Variants in THOP1 observed in about 807,000 individuals in gnomAD.
THOP1 encodes thimet oligopeptidase.
Under a neutral mutation model 71.8 loss-of-function variants are expected in THOP1, and 49 were observed. The observed-to-expected ratio is 0.68, with a 90% CI of 0.54 to 0.87. The LOEUF (loss-of-function observed/expected upper bound fraction) is 0.87, where lower values mean the gene tolerates loss of function less well. Among genes scored for constraint, THOP1 ranks in the 40% least tolerant of loss-of-function variants. The probability of loss-of-function intolerance (pLI) is 0.00; values close to 1 mark genes in which losing one functional copy is unlikely to be tolerated. For synonymous variants in THOP1, 426 were observed against 421.5 expected (o/e 1.01, Z -0.13); for missense variants, 843 against 975.6 (o/e 0.86, Z 1.81).
In THOP1 at chr19:2,808,221, C is replaced by T. The variant is rs1916361727; in HGVS notation, c.1254-22C>T. The T allele has an allele frequency of 2.6e-6, 4 of 1,545,294 alleles. No homozygotes were observed. In the African/African-American group the frequency reaches 5.5e-5, roughly 21 times the overall value. On this transcript the variant is annotated intron_variant, in intron 8 of 12. Coordinates refer to ENST00000307741, the MANE Select transcript of THOP1 (RefSeq NM_003249.5). ...GCGGTGTCTCTAGTCCCTGCGGGGC[C>T]TGACGCTGCCTCCCTCCCCAGGGAA...
chr19:2,813,259 G>A lies in THOP1; in HGVS notation c.2053G>A (p.Glu685Lys), dbSNP rs202185424. 1.8e-5 allele frequency: 29 copies of A among 1,610,264 alleles called. No individual in the cohort carries two copies. The highest frequency in any genetic ancestry group is 1.7e-4 in the African/African-American group (13 of 75,018). ...KGLQVGGCEP[E>K]PQVC ...GCTGCAGGTCGGGGGCTGCGAGCCC[G>A]AGCCGCAGGTCTGCTGAGGCCTGGC... Residue 685 changes from glutamate to lysine, a missense_variant, in exon 13 of 13, where the codon GAG becomes AAG. Coordinates refer to ENST00000307741, the MANE Select transcript of THOP1 (RefSeq NM_003249.5).
intron 2 of THOP1, among the ~76,000 whole-genome samples, chr19:2,792,001 C>G (rs530818581): frequency 1.2e-4 from 19 of 152,374 alleles, no homozygotes; most frequent in African/African-American, 4.3e-4. Context: ...TGCTGAATGC[C>G]TGGCTTCTCT....
At chr19:2,807,116 G>T in intron 7 of THOP1, 64 bp downstream of exon 7, 1 of 1,522,588 alleles carries the variant, frequency 6.6e-7, no homozygotes. Flanking sequence ...CACCCCAGGG[G>T]ACAGTCGGTG....
chr19:2,809,455 G>C (rs1244837981), intron 9 of THOP1: 1 of 152,376 alleles, frequency 6.6e-6, no homozygotes, highest in Middle Eastern at 3.4e-3. Context: ...AAAATGAGCC[G>C]AAGTGAGAAG....
rs1333425618 is a variant in THOP1 at position 2,808,275 on chromosome 19, G to T, written c.1286G>T (p.Gly429Val). The T allele has an allele frequency of 6.4e-7, 1 of 1,557,504 alleles. No homozygotes were observed. The change falls in exon 9 of 13, where the codon GGC becomes GTC. Residue 429 changes from glycine to valine, a missense_variant. Gly to Val is a moderately radical substitution (Grantham distance 109). Coordinates refer to ENST00000307741, the MANE Select transcript of THOP1 (RefSeq NM_003249.5). ...AAGTACGGGCACGCGGCCTGCTTTG[G>T]CCTGCAGCCCGGCTGCCTGCGGCAG... ...EGKYGHAACFGLQPGCLRQDG... is the reference protein window; with the variant it reads ...EGKYGHAACFVLQPGCLRQDG...
At chr19:2,806,761 A>G in intron 6 of THOP1, 156 bp from the exon 7 acceptor site, 1 of 1,295,646 alleles carries the variant, frequency 7.7e-7, no homozygotes. Flanking sequence ...TGGTGGCATG[A>G]CCAGAGGAGT....
At chr19:2,808,506 C>T (rs564406344) in intron 9 of THOP1, 62 bp downstream of exon 9, 50 of 1,494,840 alleles carry the variant, frequency 3.3e-5, no homozygotes, top group Non-Finnish European at 3.9e-5. Flanking sequence ...CTGTGGTCAG[C>T]GAGGCCCAAG....
At chr19:2,802,046 C>T (rs567640218) in intron 5 of THOP1, among the ~76,000 whole-genome samples, 98 of 151,868 alleles carry the variant, frequency 6.5e-4, no homozygotes, top group African/African-American at 2.2e-3. Flanking sequence ...CTCTCAATAC[C>T]GCCACCTCCC....
chr19:2,796,634 A>G (rs1183933515), intron 4 of THOP1, among the ~76,000 whole-genome samples: 2 of 145,178 alleles, frequency 1.4e-5, no homozygotes, highest in African/African-American at 5.2e-5. Flanking sequence ...AGTCCTGGGG[A>G]GTGCTCAGTT....
intron 2 of THOP1, among the ~76,000 whole-genome samples, chr19:2,794,124 C>G (rs1008100239): frequency 9.2e-5 from 14 of 152,056 alleles, no homozygotes; most frequent in Admixed American, 5.9e-4. Context: ...AAGCTATTCC[C>G]CTACCTCAGC....
intron 2 of THOP1, among the ~76,000 whole-genome samples, chr19:2,791,614 G>C (rs12052186): frequency 0.021 from 3,255 of 152,258 alleles, 131 homozygotes; most frequent in South Asian, 0.15. Context: ...TATGACCTCG[G>C]TTTCCCCTCC....
At chr19:2,807,078 G>C in intron 7 of THOP1, 26 bp downstream of exon 7, 1 of 1,594,826 alleles carries the variant, frequency 6.3e-7, no homozygotes, top group Non-Finnish European at 8.5e-7. Flanking sequence ...TCCTCCACTG[G>C]GGTCCCTGTG....
chr19:2,786,558 G>A (rs1159799690), intron 1 of THOP1, among the ~76,000 whole-genome samples: 2 of 151,652 alleles, frequency 1.3e-5, no homozygotes, highest in Non-Finnish European at 2.9e-5. Context: ...TAATTTAGAG[G>A]CAAAGGGGCG....
intron 4 of THOP1, 27 bp from the exon 5 acceptor site, chr19:2,799,662 C>T (rs1916099156): frequency 6.3e-7 from 1 of 1,584,870 alleles, no homozygotes; most frequent in African/African-American, 1.3e-5. Flanking sequence ...GTCTCTCCCT[C>T]CCCTCACGCC....
Position 2,801,025 on chromosome 19 carries a change from G to A in THOP1, c.589+1234G>A, listed in dbSNP as rs541423504. 1.3e-5 allele frequency among the ~76,000 whole-genome samples: 2 copies of A among 152,330 alleles called. No homozygotes were observed. The highest frequency in any genetic ancestry group is 4.8e-5 in the African/African-American group (2 of 41,574). The stretch of plus-strand genomic sequence containing the variant: ...TGCAAGTGACTCCCAAGGAGACTGG[G>A]CGTCCAGCTCAAATCTGCCTCCTGT... On this transcript the variant is annotated intron_variant, in intron 5 of 12. Transcript: ENST00000307741. This position sits in a 1 kb window ranked among gnomAD's most constrained non-coding sequence, Gnocchi z 5.1.
chr19:2,813,381 C>G lies in THOP1; in HGVS notation c.*105C>G, dbSNP rs1916536831. The stretch of plus-strand genomic sequence containing the variant: ...GCTCTGGCACAGTGCCTGGGACTGG[C>G]AGGGTGGCTGAGCGGCTGTCTTGCC... On this transcript the variant is annotated 3_prime_UTR_variant, in exon 13 of 13. Coordinates refer to ENST00000307741, the MANE Select transcript of THOP1 (RefSeq NM_003249.5). 3 of 1,350,198 alleles carry G rather than the reference C, an allele frequency of 2.2e-6. No homozygotes were observed. The highest frequency in any genetic ancestry group is 2.9e-6 in the Non-Finnish European group (3 of 1,018,078). 83.6% of individuals were successfully genotyped at this position (1,350,198 alleles called of 1,614,324 possible).
chr19:2,798,804 G>A (rs748874299), intron 4 of THOP1, among the ~76,000 whole-genome samples: 12 of 152,356 alleles, frequency 7.9e-5, no homozygotes, highest in South Asian at 6.2e-4. Context: ...CTCCAGACCC[G>A]CCTGGCGGAG....
chr19:2,812,492 C>A (rs1916503245), intron 12 of THOP1: 15 of 1,228,796 alleles, frequency 1.2e-5, no homozygotes, highest in Non-Finnish European at 1.6e-5. Context: ...AGGGACCTCC[C>A]CCCTCCTGAG....
At chr19:2,786,547 T>C (rs1915746961) in intron 1 of THOP1, among the ~76,000 whole-genome samples, 1 of 151,578 alleles carries the variant, frequency 6.6e-6, no homozygotes, top group East Asian at 2.0e-4. Flanking sequence ...CAAGACCCTT[T>C]TAATTTAGAG....
Sources: allele counts gnomAD v4.1 joint callset (sites outside exome capture counted in the v4.1 genomes callset), GRCh38; gene constraint gnomAD v4.1.1; non-coding constraint Gnocchi (gnomAD v3.1); transcripts MANE v1.5; gene names NCBI Gene and HGNC (gene_info 2026-07-23, HGNC 2026-07-21).